The following ATP5F1C variants were observed in gnomAD, a reference collection of about 807,000 sequenced individuals.
ATP5F1C encodes ATP synthase F1 subunit gamma.
In ATP5F1C, 22 loss-of-function variants were observed where a neutral mutation model predicts 37.4. The ratio of observed to expected loss-of-function variants is 0.59; its 90% CI spans 0.42 to 0.84. The LOEUF (loss-of-function observed/expected upper bound fraction) is 0.84, where lower values mean the gene tolerates loss of function less well. ATP5F1C is among the 40% of genes least tolerant of loss of function. The pLI, the probability that ATP5F1C is intolerant of heterozygous loss-of-function variation, is 0.00. For missense variants in ATP5F1C, 286 were observed against 362.4 expected (o/e 0.79, Z 1.71); for synonymous variants, 121 against 128.0 (o/e 0.95, Z 0.37).
At position 7,798,992 on chromosome 10, in the gene ATP5F1C, C is replaced by T; in HGVS notation, c.226C>T (p.Leu76=). The T allele has an allele frequency of 6.2e-7, 1 of 1,611,602 alleles. No individual in the cohort carries two copies. Among genetic ancestry groups the T allele is most frequent in the South Asian group, 1.1e-5 (1 of 90,936 alleles). The change falls in exon 4 of 10, where the codon CTG becomes TTG. Residue 76 remains leucine, a splice_region_variant and synonymous_variant. Coordinates refer to ENST00000356708, the MANE Select transcript of ATP5F1C (RefSeq NM_001001973.3). ...TACTGCTTTTGTTTGTTTTTAAGCTCTGTATGAAAAAGCTGATATCAAGGG... is the reference window on the plus strand; with the variant it reads ...TACTGCTTTTGTTTGTTTTTAAGCTTTGTATGAAAAAGCTGATATCAAGGG... ...ARIYGLGSLA[L]YEKADIKGPE... is the part of the protein sequence containing the mutation.
At chr10:7,807,149 G>C (rs537635437) in intron 9 of ATP5F1C, 139 bp downstream of exon 9, 1 of 687,114 alleles carries the variant, frequency 1.5e-6, no homozygotes, top group East Asian at 2.8e-5. Context: ...GCCAACTCAC[G>C]GGAGCACCTG....
intron 1 of ATP5F1C, among the ~76,000 whole-genome samples, chr10:7,788,589 A>G (rs1836097033): frequency 6.6e-6 from 1 of 152,072 alleles, no homozygotes. Context: ...GCACTTCCTG[A>G]GCTTCCACTT....
At chr10:7,791,019 G>A (rs888701282) in intron 1 of ATP5F1C, among the ~76,000 whole-genome samples, 2 of 152,118 alleles carry the variant, frequency 1.3e-5, no homozygotes, top group Non-Finnish European at 2.9e-5. Flanking sequence ...AGATGCAGTC[G>A]GGCTAGGCGC....
At chr10:7,791,362 T>C (rs1836162070) in intron 1 of ATP5F1C, among the ~76,000 whole-genome samples, 1 of 152,094 alleles carries the variant, frequency 6.6e-6, no homozygotes. Flanking sequence ...AAGGAGTCAG[T>C]TTTTGCTGGT....
Position 7,802,402 on chromosome 10 carries a change from T to C in ATP5F1C, c.770T>C (p.Met257Thr). The C allele has an allele frequency of 1.2e-6, 2 of 1,613,390 alleles. No homozygotes were observed. Among genetic ancestry groups the C allele is most frequent in the Non-Finnish European group, 1.7e-6 (2 of 1,179,764 alleles). ...TSEQSARMTA[M>T]DNASKNASEM... Reference sequence around the variant, plus strand: ...GAGCAGAGTGCCAGGATGACAGCCATGGACAATGCCAGCAAGAATGCTTGT... The same window carrying C: ...GAGCAGAGTGCCAGGATGACAGCCACGGACAATGCCAGCAAGAATGCTTGT... Residue 257 changes from methionine (M) to threonine (T), a missense_variant, in exon 7 of 10, where the codon ATG becomes ACG. Transcript: ENST00000356708.
intron 3 of ATP5F1C, among the ~76,000 whole-genome samples, chr10:7,798,196 A>G (rs201020035): frequency 6.6e-6 from 1 of 150,780 alleles, no homozygotes; most frequent in South Asian, 2.1e-4. Context: ...TTGTTTTTTT[A>G]TGTGTGTGTG....
chr10:7,800,082 G>A lies in ATP5F1C; in HGVS notation c.628G>A (p.Ala210Thr), dbSNP rs1836325565. 6.2e-7 allele frequency: 1 copy of A among 1,613,904 alleles called. No homozygotes were observed. Residue 210 changes from alanine to threonine, a missense_variant, in exon 6 of 10, where the codon GCA (alanine) becomes ACA (threonine). Transcript: ENST00000356708. ...EKPIFSLNTV[A>T]SADSMSIYDD... is the part of the protein sequence containing the mutation. Reference sequence around the variant, plus strand: ...GCCCATCTTTTCCCTTAATACCGTTGCAAGTGCTGGTAAGTAGTTTTTCTA... The same window carrying A: ...GCCCATCTTTTCCCTTAATACCGTTACAAGTGCTGGTAAGTAGTTTTTCTA...
chr10:7,801,504 A>C (rs1369563999), intron 6 of ATP5F1C: 1 of 152,090 alleles, frequency 6.6e-6, no homozygotes, highest in Non-Finnish European at 1.5e-5. Flanking sequence ...TCCCTCTCTC[A>C]TTTTCCAGAT....
At chr10:7,791,050 C>T (rs1384325642) in intron 1 of ATP5F1C, among the ~76,000 whole-genome samples, 2 of 152,042 alleles carry the variant, frequency 1.3e-5, no homozygotes, top group Non-Finnish European at 2.9e-5. Context: ...GTCTGTAATC[C>T]CAGCATTTTG....
chr10:7,793,813 T>G (rs1401165099), intron 1 of ATP5F1C, among the ~76,000 whole-genome samples: 1 of 152,240 alleles, frequency 6.6e-6, no homozygotes, highest in African/African-American at 2.4e-5. Flanking sequence ...GTAAAGTCAT[T>G]GTACAGATTA....
At chr10:7,798,622 TC>T (rs1691148916) in intron 3 of ATP5F1C, among the ~76,000 whole-genome samples, 1 of 152,182 alleles carries the variant, frequency 6.6e-6, no homozygotes. Flanking sequence ...GGTCTTGATA[TC>T]GTGACCTTGT....
At chr10:7,799,389 C>T (rs1836307608) in intron 4 of ATP5F1C, 195 bp downstream of exon 4, 10 of 589,348 alleles carry the variant, frequency 1.7e-5, no homozygotes, top group Admixed American at 3.0e-5. Context: ...TTCTGTTTTC[C>T]TTCCCCTGTT....
intron 1 of ATP5F1C, among the ~76,000 whole-genome samples, chr10:7,789,932 C>T (rs1042150464): frequency 2.0e-5 from 3 of 152,220 alleles, no homozygotes; most frequent in African/African-American, 7.2e-5. Context: ...ATCGGAACCA[C>T]AATCAGCATA....
intron 3 of ATP5F1C, 117 bp downstream of exon 3, chr10:7,797,295 A>G (rs1266489838): frequency 1.4e-5 from 19 of 1,338,412 alleles, no homozygotes; most frequent in Non-Finnish European, 1.9e-5. Context: ...CTTGCCATGT[A>G]CTTATTTTTC....
At chr10:7,804,606 C>T (rs1244433) in intron 8 of ATP5F1C, among the ~76,000 whole-genome samples, 147,513 of 152,316 alleles carry the variant, frequency 0.97, 71,621 homozygotes, top group East Asian at 1. Flanking sequence ...CAGCCTTCTG[C>T]AGCATCCTGT....
intron 4 of ATP5F1C, chr10:7,799,506 A>C: frequency 3.6e-6 from 2 of 562,078 alleles, no homozygotes; most frequent in Non-Finnish European, 3.1e-6. Context: ...TACAGCCTGG[A>C]AATGTTAGCA....
chr10:7,792,950 T>C (rs1277848646), intron 1 of ATP5F1C, among the ~76,000 whole-genome samples: 1 of 152,228 alleles, frequency 6.6e-6, no homozygotes, highest in Non-Finnish European at 1.5e-5. Context: ...CAGCCATCAA[T>C]GAGAGTTCCT....
intron 6 of ATP5F1C, 154 bp from the exon 7 acceptor site, chr10:7,802,116 A>T (rs1262234633): frequency 1.3e-6 from 1 of 757,882 alleles, no homozygotes; most frequent in Admixed American, 3.4e-5. Flanking sequence ...TGTAGTGTGG[A>T]AATAGATGAC....
chr10:7,796,450 T>C (rs1836237310), intron 2 of ATP5F1C: 1 of 236,586 alleles, frequency 4.2e-6, no homozygotes, highest in Non-Finnish European at 8.2e-6. Context: ...ATGTTATATA[T>C]AAATAATGTT....
Sources: gnomAD v4.1 joint callset for allele counts (sites outside exome capture counted in the v4.1 genomes callset) on GRCh38, gnomAD v4.1.1 for gene constraint, MANE v1.5 for transcripts, NCBI Gene and HGNC (gene_info 2026-07-23, HGNC 2026-07-21) for gene names.